KLHL42: variants seen among roughly 807,000 people sequenced by gnomAD.
The protein encoded by KLHL42 is kelch-like protein 42.
A neutral mutation model predicts 32.7 loss-of-function variants in KLHL42; 27 were observed. The observed-to-expected ratio is 0.83, with a 90% confidence interval of 0.61 to 1.14. KLHL42 has a LOEUF of 1.14. Among genes scored for constraint, KLHL42 ranks in the 50% most tolerant of loss-of-function variants. The pLI, the probability that KLHL42 is intolerant of heterozygous loss-of-function variation, is 0.00. For synonymous variants in KLHL42, 267 were observed against 248.2 expected (o/e 1.08, Z -0.71); for missense variants, 491 against 560.8 (o/e 0.88, Z 1.26).
chr12:27,783,342 C>G (rs1446914716), intron 1 of KLHL42, among the ~76,000 whole-genome samples: 1 of 151,842 alleles, frequency 6.6e-6, no homozygotes, highest in Non-Finnish European at 1.5e-5. Context: ...TAAGTGGACC[C>G]TCACAGTTCA....
At chr12:27,793,602 A>G (rs1292193187) in intron 2 of KLHL42, among the ~76,000 whole-genome samples, 1 of 152,024 alleles carries the variant, frequency 6.6e-6, no homozygotes. Flanking sequence ...AAGACAGACA[A>G]TGGGGGACAG....
chr12:27,781,094 T>C lies in KLHL42; in HGVS notation c.764T>C (p.Leu255Pro). Reference sequence around the variant, plus strand: ...GGGTCTGCCATCCTGGACAACTACCTCTTCATAGTGGGCGGGTACAGGATC... The same window carrying C: ...GGGTCTGCCATCCTGGACAACTACCCCTTCATAGTGGGCGGGTACAGGATC... The part of the protein sequence containing the change: ...GYGSAILDNY[L>P]FIVGGYRITS... Residue 255 changes from leucine (L) to proline (P), a missense_variant, in exon 1 of 3, where the codon CTC becomes CCC. Physicochemically the swap from Leu to Pro is moderately conservative, Grantham distance 98. Transcript: ENST00000381271. 1 of 1,614,128 alleles carries C rather than the reference T, an allele frequency of 6.2e-7. No homozygotes were observed. The highest frequency in any genetic ancestry group is 8.5e-7 in the Non-Finnish European group (1 of 1,180,018).
At chr12:27,790,062 T>A (rs1225502289) in intron 1 of KLHL42, among the ~76,000 whole-genome samples, 4 of 152,232 alleles carry the variant, frequency 2.6e-5, no homozygotes, top group Admixed American at 6.5e-5. Flanking sequence ...CTGCTTCTTC[T>A]TAATCTACTC....
intron 1 of KLHL42, among the ~76,000 whole-genome samples, chr12:27,782,993 A>G (rs1332126057): frequency 1.3e-5 from 2 of 152,158 alleles, no homozygotes; most frequent in Non-Finnish European, 2.9e-5. Context: ...CCCTTAAACA[A>G]TGTGGGGGCC....
chr12:27,792,393 C>T (rs1003519771), intron 2 of KLHL42, among the ~76,000 whole-genome samples: 1 of 152,192 alleles, frequency 6.6e-6, no homozygotes, highest in African/African-American at 2.4e-5. Flanking sequence ...ACACACACAT[C>T]AGGTAGAGGT....
Position 27,802,984 on chromosome 12 carries a change from C to G in KLHL42, c.*4818C>G, listed in dbSNP as rs1169160847. 1 of 152,138 alleles carries G rather than the reference C, an allele frequency of 6.6e-6. No individual in the cohort carries two copies. Among genetic ancestry groups the G allele is most frequent in the African/African-American group, 2.4e-5 (1 of 41,416 alleles). 9.4% of individuals were successfully genotyped at this position (152,138 alleles called of 1,614,324 possible). A position where few individuals can be genotyped will look rare whatever the true frequency, so the allele number is the denominator to read the frequency against. On this transcript the variant is annotated 3_prime_UTR_variant, in exon 3 of 3. Coordinates refer to ENST00000381271, the MANE Select transcript of KLHL42 (RefSeq NM_020782.2). ...ATGAAATACCCACTATAACAGCATT[C>G]CTTTTGTGTTTAGAACTATAGAAGA...
rs775552578 is a variant in KLHL42, at chr12:27,798,204, G to GT, written c.*46dup. The GT allele has an allele frequency of 1.2e-4, 92 of 739,880 alleles. No homozygotes were observed. The highest frequency in any genetic ancestry group is 2.2e-4 in the Admixed American group (12 of 54,496). 45.8% of individuals were successfully genotyped at this position (739,880 alleles called of 1,614,324 possible). A position where few individuals can be genotyped will look rare whatever the true frequency, so the allele number is the denominator to read the frequency against. On this transcript the variant is annotated 3_prime_UTR_variant, in exon 3 of 3. Coordinates refer to ENST00000381271, the MANE Select transcript of KLHL42 (RefSeq NM_020782.2). ...GGTAGATGAAAAAAACCTGGTTCAA[G>GT]TTTTTTTTAAAATGTGGTGTCCCAT... is the stretch of plus-strand genomic sequence containing the variant.
At position 27,799,498 on chromosome 12, in the gene KLHL42, G is replaced by A. The variant is rs548910806; in HGVS notation, c.*1332G>A. ...TTCCATCTTTCTGCAGTAACAGCGG[G>A]CAGAACCATTTCAGTTAGCATGTGC... is the stretch of plus-strand genomic sequence containing the variant. On this transcript the variant is annotated 3_prime_UTR_variant, in exon 3 of 3. Coordinates refer to ENST00000381271, the MANE Select transcript of KLHL42 (RefSeq NM_020782.2). 4 of 152,294 alleles carry A rather than the reference G, an allele frequency of 2.6e-5. No individual in the cohort carries two copies. In the South Asian group the frequency reaches 8.3e-4, roughly 32 times the overall value. 9.4% of individuals were successfully genotyped at this position (152,294 alleles called of 1,614,324 possible).
At position 27,797,713 on chromosome 12, in the gene KLHL42, A is replaced by T. The variant is rs1267771812; in HGVS notation, c.1067-2A>T. Reference sequence around the variant, plus strand: ...GTCATCACTTGTCTTTCTTTCTTTCAGACCGGAACATGAACATTTTGCAGT... The same window carrying T: ...GTCATCACTTGTCTTTCTTTCTTTCTGACCGGAACATGAACATTTTGCAGT... On this transcript the variant is annotated splice_acceptor_variant, in intron 2 of 2. Transcript: ENST00000381271. LOFTEE classifies it high-confidence loss of function. 4.4e-6 allele frequency: 3 copies of T among 684,292 alleles called. No individual in the cohort carries two copies. Among genetic ancestry groups the T allele is most frequent in the Non-Finnish European group, 8.0e-6 (3 of 374,926 alleles). 42.4% of individuals were successfully genotyped at this position (684,292 alleles called of 1,614,324 possible). A position where few individuals can be genotyped will look rare whatever the true frequency, so the allele number is the denominator to read the frequency against.
chr12:27,785,263 G>A (rs2062167237), intron 1 of KLHL42, among the ~76,000 whole-genome samples: 1 of 152,166 alleles, frequency 6.6e-6, no homozygotes, highest in Non-Finnish European at 1.5e-5. Context: ...ACAGTGGTGT[G>A]ATCATAACTT....
chr12:27,791,073 GTAAA>G (rs902186025), intron 1 of KLHL42, among the ~76,000 whole-genome samples: 14 of 152,112 alleles, frequency 9.2e-5, no homozygotes, highest in African/African-American at 3.4e-4. Flanking sequence ...AAATAAATTA[GTAAA>G]TAAATAAATA....
At chr12:27,791,966 G>A in intron 2 of KLHL42, 65 bp downstream of exon 2, 1 of 1,360,554 alleles carries the variant, frequency 7.3e-7, no homozygotes, top group Non-Finnish European at 1.0e-6. Flanking sequence ...GGAAGGGCAA[G>A]AGGGTGTCAG....
At chr12:27,790,533 A>G (rs531794102) in intron 1 of KLHL42, among the ~76,000 whole-genome samples, 1 of 152,368 alleles carries the variant, frequency 6.6e-6, no homozygotes, top group East Asian at 1.9e-4. Context: ...TGTGTGCTAT[A>G]TCGAAACAAA....
In KLHL42 at chr12:27,798,127, G is replaced by C. The variant is rs770110268; in HGVS notation, c.1479G>C (p.Leu493=). ...TTCCAGCTTTTGGACATAACTTGCT[G>C]GTTTCTTCTCTTTATCTGCCCAATA... ...RRFPAFGHNL[L]VSSLYLPNKA... The change falls in exon 3 of 3, where the codon CTG becomes CTC. Residue 493 remains leucine, a synonymous_variant. Coordinates refer to ENST00000381271, the MANE Select transcript of KLHL42 (RefSeq NM_020782.2). The C allele has an allele frequency of 2.6e-6, 2 of 780,518 alleles. No homozygotes were observed. The highest frequency in any genetic ancestry group is 2.7e-5 in the South Asian group (2 of 74,624). The allele number at this position is 780,518 out of a possible 1,614,324, so 48.3% of individuals were successfully genotyped here. A position where few individuals can be genotyped will look rare whatever the true frequency, so the allele number is the denominator to read the frequency against.
intron 1 of KLHL42, among the ~76,000 whole-genome samples, chr12:27,786,115 T>C (rs1591814357): frequency 6.6e-6 from 1 of 152,350 alleles, no homozygotes; most frequent in South Asian, 2.1e-4. Context: ...GGATGTGTAA[T>C]AAGTACAGCA....
intron 1 of KLHL42, 40 bp from the exon 2 acceptor site, chr12:27,791,668 A>C: frequency 6.6e-7 from 1 of 1,522,798 alleles, no homozygotes; most frequent in Non-Finnish European, 9.1e-7. Context: ...TTCATTGATC[A>C]GAAGAACTAA....
chr12:27,788,959 C>T (rs963850948), intron 1 of KLHL42, among the ~76,000 whole-genome samples: 6 of 152,142 alleles, frequency 3.9e-5, no homozygotes, highest in African/African-American at 1.2e-4. Flanking sequence ...GAATTTATAC[C>T]TTTACCATTC....
At chr12:27,793,056 C>T (rs868008838) in intron 2 of KLHL42, among the ~76,000 whole-genome samples, 21 of 152,228 alleles carry the variant, frequency 1.4e-4, no homozygotes, top group Middle Eastern at 6.8e-3. Flanking sequence ...TGCTTGCCAG[C>T]AAGTTTTATA....
In KLHL42 at chr12:27,780,619, G is replaced by A; in HGVS notation, c.289G>A (p.Asp97Asn). 1 of 1,561,204 alleles carries A rather than the reference G, an allele frequency of 6.4e-7. No homozygotes were observed. Among genetic ancestry groups the A allele is most frequent in the Non-Finnish European group, 8.7e-7 (1 of 1,153,332 alleles). ...GGGVDEDEEM[D>N]EVSLLSELVE... ...CGGGGTGGACGAGGACGAGGAGATG[G>A]ATGAGGTGAGCCTGCTGTCCGAGCT... is the stretch of plus-strand genomic sequence containing the variant. The change falls in exon 1 of 3, where the codon GAT (aspartate) becomes AAT (asparagine). Residue 97 changes from aspartate to asparagine, a missense_variant. Asp to Asn is a conservative substitution (Grantham distance 23, BLOSUM62 1). Transcript: ENST00000381271. This position sits in a 1 kb window ranked among gnomAD's most constrained non-coding sequence, Gnocchi z 8.8.
Sources: allele counts gnomAD v4.1 joint callset (sites outside exome capture counted in the v4.1 genomes callset), GRCh38; gene constraint gnomAD v4.1.1; non-coding constraint Gnocchi (gnomAD v3.1); transcripts MANE v1.5; gene names NCBI Gene and HGNC (gene_info 2026-07-23, HGNC 2026-07-21).